The following PTPN22 variants were observed in gnomAD, a reference collection of about 807,000 sequenced individuals.
PTPN22 encodes protein tyrosine phosphatase non-receptor type 22, also known as tyrosine-protein phosphatase non-receptor type 22.
PTPN22 carries 85 observed loss-of-function variants against 103.3 expected under a neutral mutation model. The observed-to-expected ratio is 0.82, with a 90% confidence interval of 0.69 to 0.99. PTPN22 has a LOEUF of 0.99. Ranked by LOEUF, PTPN22 falls within the 50% of genes least tolerant of loss-of-function variation. The pLI, the probability that PTPN22 is intolerant of heterozygous loss-of-function variation, is 0.00. For synonymous variants in PTPN22, 323 were observed against 310.2 expected, an observed-to-expected ratio of 1.04 and a Z score of -0.43; for missense variants, 865 against 936.9, an observed-to-expected ratio of 0.92 and a Z score of 1.00.
intron 5 of PTPN22, 139 bp downstream of exon 5, chr1:113,857,599 G>A (rs1459580173): frequency 7.4e-6 from 5 of 680,000 alleles, no homozygotes; most frequent in Non-Finnish European, 1.2e-5. Flanking sequence ...TGAGAATCAC[G>A]TGGCATTCCC....
intron 20 of PTPN22, among the ~76,000 whole-genome samples, chr1:113,817,173 C>G (rs1195231297): frequency 6.6e-6 from 1 of 152,146 alleles, no homozygotes; most frequent in Non-Finnish European, 1.5e-5. Flanking sequence ...CAGTACAGAT[C>G]ACTTGATTGT....
At chr1:113,836,848 C>T (rs1367166558) in intron 13 of PTPN22, among the ~76,000 whole-genome samples, 2 of 151,966 alleles carry the variant, frequency 1.3e-5, no homozygotes, top group African/African-American at 4.8e-5. Context: ...ATTGGTTGAG[C>T]CCAGGACATC....
At chr1:113,826,006 G>A (rs574750223) in intron 18 of PTPN22, among the ~76,000 whole-genome samples, 3 of 152,008 alleles carry the variant, frequency 2.0e-5, no homozygotes, top group South Asian at 4.2e-4. Flanking sequence ...AGCCACCGTG[G>A]CCAGCCAATA....
At chr1:113,864,329 G>A (rs563429834) in intron 1 of PTPN22, 1 of 436,974 alleles carries the variant, frequency 2.3e-6, no homozygotes, top group South Asian at 1.6e-5. Context: ...AGTCAAGTCT[G>A]CAGTGAGCTA....
At chr1:113,835,672 A>G (rs1210891043) in intron 13 of PTPN22, among the ~76,000 whole-genome samples, 3 of 152,216 alleles carry the variant, frequency 2.0e-5, no homozygotes, top group African/African-American at 7.2e-5. Context: ...ATAATAAAAC[A>G]TTATAAAGTG....
chr1:113,855,611 G>A (rs1664987112), intron 7 of PTPN22, among the ~76,000 whole-genome samples: 1 of 151,904 alleles, frequency 6.6e-6, no homozygotes, highest in Non-Finnish European at 1.5e-5. Context: ...CAACAGTCCG[G>A]CATACTAAGT....
At chr1:113,825,146 T>C (rs200631139) in exon 19 of PTPN22, 11 of 1,509,570 alleles carry the variant, frequency 7.3e-6, no homozygotes, top group Middle Eastern at 1.8e-4. Flanking sequence ...ACTTACTCTT[T>C]TTCATGTTTC....
exon 14 of PTPN22, chr1:113,834,937 C>T: frequency 6.3e-7 from 1 of 1,581,278 alleles, no homozygotes; most frequent in Non-Finnish European, 8.6e-7. Context: ...ATAAATGATT[C>T]AGGTGTCCAT....
exon 12 of PTPN22, chr1:113,838,561 A>G: frequency 6.2e-7 from 1 of 1,612,906 alleles, no homozygotes; most frequent in Non-Finnish European, 8.5e-7. Flanking sequence ...GTAAATTAGG[A>G]GAATAAGAGT....
At chr1:113,813,859 A>G (rs1251941303) in exon 21 of PTPN22, 1 of 152,338 alleles carries the variant, frequency 6.6e-6, no homozygotes, top group Non-Finnish European at 1.5e-5. Context: ...GATACATTGT[A>G]CTACAAGAGA....
intron 11 of PTPN22, among the ~76,000 whole-genome samples, chr1:113,840,836 T>C (rs538951504): frequency 6.6e-5 from 10 of 152,346 alleles, no homozygotes; most frequent in African/African-American, 2.4e-4. Flanking sequence ...TGGTGGGCAA[T>C]TGATTTTTGA....
intron 16 of PTPN22, among the ~76,000 whole-genome samples, chr1:113,830,438 A>G (rs976932609): frequency 3.3e-5 from 5 of 152,156 alleles, no homozygotes; most frequent in African/African-American, 1.2e-4. Context: ...TGATGTGAAA[A>G]GTATAGAAAG....
intron 14 of PTPN22, 54 bp from the exon 15 acceptor site, chr1:113,834,493 C>A: frequency 7.8e-6 from 12 of 1,531,892 alleles, no homozygotes; most frequent in Middle Eastern, 1.7e-4. Flanking sequence ...TTTTAGACAT[C>A]AAATGTTGCT....
intron 9 of PTPN22, 60 bp downstream of exon 9, chr1:113,854,411 T>A: frequency 6.8e-7 from 1 of 1,460,240 alleles, no homozygotes; most frequent in Non-Finnish European, 9.6e-7. Flanking sequence ...AACCAAACAA[T>A]TACTAAGTAT....
At chr1:113,824,684 G>A (rs1661894192) in intron 19 of PTPN22, among the ~76,000 whole-genome samples, 1 of 151,990 alleles carries the variant, frequency 6.6e-6, no homozygotes, top group Non-Finnish European at 1.5e-5. Context: ...TTGTATGACA[G>A]CATCTTAGGA....
intron 10 of PTPN22, 127 bp from the exon 11 acceptor site, chr1:113,848,753 C>A: frequency 1.2e-6 from 1 of 846,766 alleles, no homozygotes; most frequent in South Asian, 1.6e-5. Flanking sequence ...GGACGATCGG[C>A]ATGTTATTAA....
chr1:113,863,927 A>T (rs10159135), intron 1 of PTPN22, among the ~76,000 whole-genome samples: 76,828 of 118,402 alleles, frequency 0.65, 21,366 homozygotes, highest in African/African-American at 0.71. Context: ...ATATATATAT[A>T]TTTTTTTTTG....
intron 7 of PTPN22, among the ~76,000 whole-genome samples, chr1:113,855,519 A>C (rs1226150586): frequency 6.6e-6 from 1 of 151,876 alleles, no homozygotes; most frequent in African/African-American, 2.4e-5. Context: ...AAAAAAAAAA[A>C]AAAAAAAAGT....
At chr1:113,814,954 A>C (rs770877827) in exon 21 of PTPN22, 41 of 1,607,558 alleles carry the variant, frequency 2.6e-5, no homozygotes, top group Non-Finnish European at 3.5e-5. Flanking sequence ...GGGTTTTGAA[A>C]AACGGTTTGC....
Sources: allele counts gnomAD v4.1 joint callset (sites outside exome capture counted in the v4.1 genomes callset), GRCh38; gene constraint gnomAD v4.1.1; transcripts MANE v1.5; gene names NCBI Gene and HGNC (gene_info 2026-07-23, HGNC 2026-07-21).